RIMS2: variants seen among roughly 807,000 people sequenced by gnomAD.
RIMS2 encodes the protein regulating synaptic membrane exocytosis 2, also known as regulating synaptic membrane exocytosis protein 2.
In RIMS2, 59 loss-of-function variants were observed where a neutral mutation model predicts 174.4. That is an observed-to-expected ratio of 0.34 (90% confidence interval 0.27 to 0.42). The LOEUF is 0.42. Among genes scored for constraint, RIMS2 ranks in the 10% least tolerant of loss-of-function variants. The pLI is 1.00. For synonymous variants in RIMS2, 606 were observed against 572.5 expected (o/e 1.06, Z -0.84); for missense variants, 1,620 against 1,666.3 (o/e 0.97, Z 0.48).
At chr8:104,026,440 A>G (rs546918747) in intron 19 of RIMS2, among the ~76,000 whole-genome samples, 36 of 152,186 alleles carry the variant, frequency 2.4e-4, no homozygotes, top group Non-Finnish European at 3.7e-4. Flanking sequence ...AACATCTACA[A>G]CCTTCCTAAT....
chr8:103,546,230 A>C (rs896364008), intron 1 of RIMS2, among the ~76,000 whole-genome samples: 3 of 152,228 alleles, frequency 2.0e-5, no homozygotes, highest in Non-Finnish European at 4.4e-5. Context: ...AGGAGTTGCT[A>C]TTCTAATTTC....
At chr8:104,059,494 A>G (rs1338597527) in intron 19 of RIMS2, among the ~76,000 whole-genome samples, 2 of 150,160 alleles carry the variant, frequency 1.3e-5, no homozygotes, top group African/African-American at 4.9e-5. Flanking sequence ...TTTTCTAGAT[A>G]TACAATCATG....
chr8:103,982,533 A>T (rs969649984), intron 16 of RIMS2, among the ~76,000 whole-genome samples: 1 of 152,014 alleles, frequency 6.6e-6, no homozygotes, highest in Non-Finnish European at 1.5e-5. Context: ...TCAACAATAC[A>T]TTAAAAAGGT....
intron 4 of RIMS2, among the ~76,000 whole-genome samples, chr8:103,889,857 T>C (rs1223568884): frequency 6.6e-6 from 1 of 151,884 alleles, no homozygotes; most frequent in African/African-American, 2.4e-5. Flanking sequence ...GACTGGGCCA[T>C]TGTTTGTGTA....
At chr8:104,025,546 G>A (rs2096235597) in intron 19 of RIMS2, among the ~76,000 whole-genome samples, 1 of 152,082 alleles carries the variant, frequency 6.6e-6, no homozygotes, top group Non-Finnish European at 1.5e-5. Flanking sequence ...AACGATACTT[G>A]TTGCATAATA....
At chr8:104,188,220 C>CAGATAGATAGATAGAT (rs71576001) in intron 19 of RIMS2, among the ~76,000 whole-genome samples, 21 of 87,112 alleles carry the variant, frequency 2.4e-4, no homozygotes, top group Non-Finnish European at 3.7e-4. Flanking sequence ...ATGGTTTGTT[C>CAGATAGATAGATAGAT]AGATAGATAG....
chr8:104,203,494 CTTTTTTT>C (rs10545100), intron 19 of RIMS2, among the ~76,000 whole-genome samples: 2 of 72,762 alleles, frequency 2.7e-5, no homozygotes, highest in Non-Finnish European at 4.6e-5. Context: ...AGACACTGTA[CTTTTTTT>C]TTTTTTTTTT....
At chr8:103,616,450 AG>A (rs2134414945) in intron 1 of RIMS2, among the ~76,000 whole-genome samples, 1 of 152,354 alleles carries the variant, frequency 6.6e-6, no homozygotes, top group African/African-American at 2.4e-5. Context: ...TTCCCCTTGA[AG>A]ACTGACACAA....
rs539660974 is a variant in RIMS2 at position 103,887,546 on chromosome 8, A to G, written c.1624+1323A>G. ...ACCATTAACTTTTTTAACATTCTGG[A>G]ATTTATTTTGGTGTATGACAAAAAT... is the stretch of plus-strand genomic sequence containing the variant. On this transcript the variant is annotated intron_variant, in intron 4 of 23. Coordinates refer to ENST00000504942, the Ensembl canonical transcript of RIMS2. 2.0e-4 allele frequency among the ~76,000 whole-genome samples: 31 copies of G among 151,578 alleles called. No individual in the cohort carries two copies. The South Asian group carries it at 6.0e-3, about 29-fold the overall frequency.
At chr8:103,551,051 C>G (rs912059938) in intron 1 of RIMS2, among the ~76,000 whole-genome samples, 1 of 152,152 alleles carries the variant, frequency 6.6e-6, no homozygotes, top group Non-Finnish European at 1.5e-5. Context: ...TCTTCTGAAA[C>G]TATTCCAATC....
At chr8:103,839,856 G>A (rs533939466) in intron 3 of RIMS2, among the ~76,000 whole-genome samples, 86 of 152,154 alleles carry the variant, frequency 5.7e-4, no homozygotes, top group African/African-American at 2.0e-3. Context: ...AATATGTAGC[G>A]CAAAACAAAA....
At chr8:103,795,985 C>G (rs1592626078) in intron 3 of RIMS2, among the ~76,000 whole-genome samples, 1 of 152,248 alleles carries the variant, frequency 6.6e-6, no homozygotes, top group East Asian at 1.9e-4. Context: ...CTTATTGCAC[C>G]ATCAATCATT....
intron 3 of RIMS2, among the ~76,000 whole-genome samples, chr8:103,824,444 C>G (rs77002460): frequency 7.6e-4 from 115 of 152,198 alleles, no homozygotes; most frequent in African/African-American, 2.6e-3. Flanking sequence ...GACTCATCCA[C>G]AATTTTAGTT....
At chr8:103,802,293 A>G (rs951059158) in intron 3 of RIMS2, among the ~76,000 whole-genome samples, 2 of 152,220 alleles carry the variant, frequency 1.3e-5, no homozygotes, top group Admixed American at 1.3e-4. Context: ...ATATGCTCAT[A>G]TAATCCTTTT....
intron 19 of RIMS2, among the ~76,000 whole-genome samples, chr8:104,142,277 G>A (rs1444581023): frequency 3.3e-5 from 5 of 151,700 alleles, no homozygotes; most frequent in African/African-American, 9.7e-5. Flanking sequence ...ACAGGTGCCC[G>A]CCACCACACC....
chr8:104,126,669 C>G (rs895093921), intron 19 of RIMS2, among the ~76,000 whole-genome samples: 2 of 152,148 alleles, frequency 1.3e-5, no homozygotes, highest in Admixed American at 6.5e-5. Flanking sequence ...GTGCTTGTAA[C>G]ACAATGCCTA....
At chr8:103,737,943 T>G (rs535613928) in intron 2 of RIMS2, among the ~76,000 whole-genome samples, 1 of 152,308 alleles carries the variant, frequency 6.6e-6, no homozygotes, top group African/African-American at 2.4e-5. Context: ...ACTTATATGA[T>G]TATTTTGTTT....
intron 19 of RIMS2, among the ~76,000 whole-genome samples, chr8:104,211,189 C>T (rs1033083612): frequency 6.6e-6 from 1 of 151,812 alleles, no homozygotes; most frequent in African/African-American, 2.4e-5. Flanking sequence ...AGGTTAGAGT[C>T]GAGTAGGGGT....
chr8:103,877,756 A>T (rs2154516073), intron 3 of RIMS2, among the ~76,000 whole-genome samples: 1 of 150,032 alleles, frequency 6.7e-6, no homozygotes, highest in South Asian at 2.1e-4. Flanking sequence ...ATTTTTTTTT[A>T]ATTCTGTGAA....
Sources: gnomAD v4.1 joint callset for allele counts (sites outside exome capture counted in the v4.1 genomes callset) on GRCh38, gnomAD v4.1.1 for gene constraint, MANE v1.5 for transcripts, NCBI Gene and HGNC (gene_info 2026-07-23, HGNC 2026-07-21) for gene names.